Variants in ANKRD11 observed in about 807,000 individuals in gnomAD.
ANKRD11 encodes the protein ankyrin repeat domain-containing protein 11.
Under a neutral mutation model 195.7 loss-of-function variants are expected in ANKRD11, and 17 were observed. That is an observed-to-expected ratio of 0.09 (90% CI 0.06 to 0.13). ANKRD11 has a LOEUF of 0.13. ANKRD11 is among the 10% of genes least tolerant of loss of function. The pLI, the probability that ANKRD11 is intolerant of heterozygous loss-of-function variation, is 1.00. For synonymous variants in ANKRD11, 1,953 were observed against 1,528.1 expected, an observed-to-expected ratio of 1.28 and a Z score of -6.49; for missense variants, 3,735 against 3,566.1, an observed-to-expected ratio of 1.05 and a Z score of -1.21.
rs1350625482 is a variant in ANKRD11 at position 89,279,914 on chromosome 16, C to G, written c.6628G>C (p.Glu2210Gln). 8 of 1,609,646 alleles carry G rather than the reference C, an allele frequency of 5.0e-6. No homozygotes were observed. In the South Asian group the frequency reaches 7.7e-5, roughly 16 times the overall value. The change falls in exon 9 of 13, where the codon GAG becomes CAG. Residue 2210 changes from glutamate (E) to glutamine (Q), a missense_variant. Glu to Gln is a conservative substitution (Grantham distance 29). Coordinates refer to ENST00000301030, the MANE Select transcript of ANKRD11 (RefSeq NM_013275.6). This position sits in a 1 kb window ranked among gnomAD's most constrained non-coding sequence, Gnocchi z 5.6. ...PAELEPEPSG[E>Q]PKLDVALEAA... ...TCTAGAGCCACGTCCAGCTTTGGCT[C>G]CCCTGAGGGCTCAGGCTCGAGCTCT...
At chr16:89,276,032 G>A (rs893245907) in intron 9 of ANKRD11, among the ~76,000 whole-genome samples, 11 of 152,200 alleles carry the variant, frequency 7.2e-5, no homozygotes, top group Non-Finnish European at 5.9e-5. Flanking sequence ...CTCCCCACAG[G>A]TGGACCCACA....
Position 89,281,063 on chromosome 16 carries a change from G to T in ANKRD11, c.5479C>A (p.Pro1827Thr), listed in dbSNP as rs899956576. ...AASSYDSPMPPSMEDRAPLPP... is the reference protein window; with the variant it reads ...AASSYDSPMPTSMEDRAPLPP... ...AGGGGCGCCCTGTCTTCCATCGAGG[G>T]TGGCATGGGAGAGTCGTAGCTGGAG... The change falls in exon 9 of 13, where the codon CCC becomes ACC. Residue 1827 changes from proline (P) to threonine (T), a missense_variant. Pro to Thr is a conservative substitution (Grantham distance 38, BLOSUM62 -1). Coordinates refer to ENST00000301030, the MANE Select transcript of ANKRD11 (RefSeq NM_013275.6). The surrounding 1 kb of genome is among the most constrained non-coding windows in gnomAD (Gnocchi z 5.5). The T allele has an allele frequency of 1.9e-6, 3 of 1,606,866 alleles. No individual in the cohort carries two copies. Among genetic ancestry groups the T allele is most frequent in the Non-Finnish European group, 2.6e-6 (3 of 1,174,890 alleles).
At chr16:89,440,657 T>C (rs1034567227) in intron 1 of ANKRD11, among the ~76,000 whole-genome samples, 8 of 151,596 alleles carry the variant, frequency 5.3e-5, no homozygotes, top group African/African-American at 1.9e-4. Context: ...GAAGAAAGCA[T>C]AAGAAAATAT....
chr16:89,364,987 A>C (rs2039886233), intron 2 of ANKRD11, among the ~76,000 whole-genome samples: 1 of 152,224 alleles, frequency 6.6e-6, no homozygotes, highest in Non-Finnish European at 1.5e-5. Flanking sequence ...CATGGAAATC[A>C]CATTCTAAGA....
In ANKRD11 at chr16:89,415,836, A is replaced by AAAAAAAAAACAAAAAAC. The variant is rs1235075392; in HGVS notation, c.-60+2447_-60+2448insGTTTTTTGTTTTTTTTT. Among the ~76,000 whole-genome samples, 65 of 141,184 alleles carry AAAAAAAAAACAAAAAAC rather than the reference A, an allele frequency of 4.6e-4. 1 individual carries two copies. The highest frequency in any genetic ancestry group is 1.5e-3 in the African/African-American group (57 of 37,770). The allele number at this position is 141,184 out of a possible 152,430, so 92.6% of individuals were successfully genotyped here. On this transcript the variant is annotated intron_variant, in intron 2 of 12. Transcript: ENST00000301030. ...CAAAGCTAGACTCTGTCTCAAAAAAAAAAAAAAAAAAAAACAATGGAGAAC... is the reference window on the plus strand; with the variant it reads ...CAAAGCTAGACTCTGTCTCAAAAAAAAAAAAAAAACAAAAAACAAAAAAAAAAAAAACAATGGAGAAC...
In ANKRD11 at chr16:89,267,776, G is replaced by C. The variant is rs1050502629; in HGVS notation, c.*702C>G. On this transcript the variant is annotated 3_prime_UTR_variant, in exon 13 of 13. Transcript: ENST00000301030. ...TTGTGAAGGTATATAAAACTGTACA[G>C]CGTTTACGGATACACTTTTTATATG... 1 of 152,106 alleles carries C rather than the reference G, an allele frequency of 6.6e-6. No individual in the cohort carries two copies. Among genetic ancestry groups the C allele is most frequent in the African/African-American group, 2.4e-5 (1 of 41,282 alleles). 9.4% of individuals were successfully genotyped at this position (152,106 alleles called of 1,614,324 possible). A position where few individuals can be genotyped will look rare whatever the true frequency, so the allele number is the denominator to read the frequency against.
intron 2 of ANKRD11, among the ~76,000 whole-genome samples, chr16:89,334,034 A>G (rs1302554084): frequency 2.0e-5 from 3 of 151,302 alleles, no homozygotes; most frequent in Non-Finnish European, 2.9e-5. Flanking sequence ...AAATAAGGCC[A>G]GGTGCAGTGG....
chr16:89,485,912 G>C (rs8050512), intron 1 of ANKRD11, among the ~76,000 whole-genome samples: 72,979 of 151,924 alleles, frequency 0.48, 18,051 homozygotes, highest in East Asian at 0.67. Context: ...AGTCCAGACT[G>C]ATTTCAACCC....
intron 3 of ANKRD11, chr16:89,313,698 C>T: frequency 2.2e-6 from 2 of 917,066 alleles, no homozygotes; most frequent in East Asian, 6.2e-5. Flanking sequence ...GAAGGCAGGT[C>T]AGATGTGTGC....
At chr16:89,377,495 C>T (rs1324225876) in intron 2 of ANKRD11, among the ~76,000 whole-genome samples, 5 of 131,334 alleles carry the variant, frequency 3.8e-5, no homozygotes, top group South Asian at 2.6e-4. Context: ...GGCTGGGGGG[C>T]GGGGAGGGAT....
At chr16:89,339,371 AC>A in intron 2 of ANKRD11, among the ~76,000 whole-genome samples, 1 of 152,338 alleles carries the variant, frequency 6.6e-6, no homozygotes, top group African/African-American at 2.4e-5. Context: ...AAACAAACAA[AC>A]AAACAAACAA....
intron 9 of ANKRD11, 125 bp downstream of exon 9, chr16:89,278,947 G>A (rs999443056): frequency 6.9e-7 from 1 of 1,439,142 alleles, no homozygotes; most frequent in Admixed American, 2.0e-5. Flanking sequence ...CTCCTCAGGT[G>A]GCAGAAGGTC....
chr16:89,272,764 A>G (rs2033276716), intron 11 of ANKRD11: 1 of 152,336 alleles, frequency 6.6e-6, no homozygotes, highest in East Asian at 1.9e-4. Flanking sequence ...GTGTCCATCA[A>G]CAGATGAATG....
At chr16:89,395,360 A>G (rs2041380525) in intron 2 of ANKRD11, among the ~76,000 whole-genome samples, 2 of 152,352 alleles carry the variant, frequency 1.3e-5, no homozygotes, top group African/African-American at 2.4e-5. Context: ...AAGCTGTTAC[A>G]TAAGAGCCCA....
intron 1 of ANKRD11, among the ~76,000 whole-genome samples, chr16:89,474,572 G>C (rs1335884771): frequency 6.6e-6 from 1 of 151,752 alleles, no homozygotes; most frequent in Non-Finnish European, 1.5e-5. Context: ...ATGACTGGTT[G>C]CCAGAAAGGC....
At chr16:89,481,220 A>C (rs575502341) in intron 1 of ANKRD11, among the ~76,000 whole-genome samples, 1 of 152,224 alleles carries the variant, frequency 6.6e-6, no homozygotes, top group East Asian at 1.9e-4. Flanking sequence ...TCACCTACAC[A>C]GTGTGCTTTC....
intron 4 of ANKRD11, among the ~76,000 whole-genome samples, chr16:89,298,484 A>C (rs1037179151): frequency 1.3e-5 from 2 of 152,236 alleles, no homozygotes; most frequent in Non-Finnish European, 2.9e-5. Context: ...AGACAGGCTG[A>C]GAAATGGGCC....
chr16:89,449,573 C>T (rs1431942230), intron 1 of ANKRD11, among the ~76,000 whole-genome samples: 3 of 152,096 alleles, frequency 2.0e-5, no homozygotes, highest in African/African-American at 7.2e-5. Flanking sequence ...GCAGGCAGAT[C>T]ACCTGAGGTC....
chr16:89,334,163 A>AC lies in ANKRD11; in HGVS notation c.-59-17086_-59-17085insG, dbSNP rs1342523988. On this transcript the variant is annotated intron_variant, in intron 2 of 12. Coordinates refer to ENST00000301030, the MANE Select transcript of ANKRD11 (RefSeq NM_013275.6). ...GTGTTTTAAAAAAAAAAAAAAAAAA[A>AC]AAAAAAAAAACAGAGAGAGAGAGAA... 6.9e-5 allele frequency among the ~76,000 whole-genome samples: 10 copies of AC among 143,986 alleles called. 1 individual carries two copies. The highest frequency in any genetic ancestry group is 1.1e-4 in the Non-Finnish European group (7 of 65,860). The allele number at this position is 143,986 out of a possible 152,430, so 94.5% of individuals were successfully genotyped here. A position where few individuals can be genotyped will look rare whatever the true frequency, so the allele number is the denominator to read the frequency against.
Sources: allele counts gnomAD v4.1 joint callset (sites outside exome capture counted in the v4.1 genomes callset), GRCh38; gene constraint gnomAD v4.1.1; non-coding constraint Gnocchi (gnomAD v3.1); transcripts MANE v1.5; gene names NCBI Gene and HGNC (gene_info 2026-07-23, HGNC 2026-07-21).